Variants in PRKG1 observed in about 807,000 individuals in gnomAD.
The protein encoded by PRKG1 is cGMP-dependent protein kinase 1.
PRKG1 carries 35 observed loss-of-function variants against 88.1 expected under a neutral mutation model. The ratio of observed to expected loss-of-function variants is 0.40; its 90% CI spans 0.30 to 0.53. The LOEUF (loss-of-function observed/expected upper bound fraction) is 0.53, where lower values mean the gene tolerates loss of function less well. Ranked by LOEUF, PRKG1 falls within the 20% of genes least tolerant of loss-of-function variation. The pLI is 0.59. For missense variants in PRKG1, 540 were observed against 839.8 expected (o/e 0.64, Z 4.41); for synonymous variants, 303 against 292.5 (o/e 1.04, Z -0.37).
At chr10:51,802,387 T>C (rs1417101959) in intron 3 of PRKG1, among the ~76,000 whole-genome samples, 2 of 152,190 alleles carry the variant, frequency 1.3e-5, no homozygotes, top group African/African-American at 2.4e-5. Context: ...ATAGCCCATG[T>C]AAACAGGAAC....
chr10:51,784,586 T>C (rs951333598), intron 3 of PRKG1, among the ~76,000 whole-genome samples: 6 of 152,278 alleles, frequency 3.9e-5, no homozygotes, highest in South Asian at 4.1e-4. Context: ...ATATTTGGTG[T>C]AAATCCTGAA....
rs1276423963 is a variant in PRKG1 at position 51,615,479 on chromosome 10, G to A, written c.592+147643G>A. On this transcript the variant is annotated intron_variant, in intron 3 of 17. Coordinates refer to ENST00000373980, the MANE Select transcript of PRKG1 (RefSeq NM_006258.4). ...AGGATACTGATAACTCAAATATTTT[G>A]TCACTTTATGGTGTCCATGAATGCT... is the stretch of plus-strand genomic sequence containing the variant. Among the ~76,000 whole-genome samples the A allele has an allele frequency of 2.0e-5, 3 of 151,690 alleles. No individual in the cohort carries two copies. In the East Asian group the frequency reaches 5.8e-4, roughly 29 times the overall value.
intron 2 of PRKG1, among the ~76,000 whole-genome samples, chr10:51,276,128 C>A (rs895225900): frequency 6.6e-6 from 1 of 152,072 alleles, no homozygotes; most frequent in East Asian, 1.9e-4. Flanking sequence ...CCCAACCCCA[C>A]GACAGGCCCC....
intron 7 of PRKG1, among the ~76,000 whole-genome samples, chr10:52,113,487 A>T (rs2132594422): frequency 6.6e-6 from 1 of 152,170 alleles, no homozygotes; most frequent in East Asian, 1.9e-4. Flanking sequence ...TGAATTTTGA[A>T]TTAGGAAGGC....
intron 2 of PRKG1, among the ~76,000 whole-genome samples, chr10:51,451,455 A>G (rs1839436880): frequency 6.6e-6 from 1 of 151,924 alleles, no homozygotes; most frequent in Non-Finnish European, 1.5e-5. Flanking sequence ...TCTGAGCTAG[A>G]CCATGAGGTT....
chr10:51,999,982 A>G (rs1844552132), intron 5 of PRKG1, among the ~76,000 whole-genome samples: 1 of 152,086 alleles, frequency 6.6e-6, no homozygotes. Flanking sequence ...AAAGGTTTCA[A>G]TTTGGCTTTT....
At chr10:51,226,215 G>C (rs931373038) in intron 2 of PRKG1, among the ~76,000 whole-genome samples, 1 of 151,958 alleles carries the variant, frequency 6.6e-6, no homozygotes, top group Admixed American at 6.6e-5. Flanking sequence ...AAAAACAAAC[G>C]AACAAACAGA....
intron 3 of PRKG1, among the ~76,000 whole-genome samples, chr10:51,660,048 A>G (rs1454955057): frequency 6.6e-6 from 1 of 151,898 alleles, no homozygotes; most frequent in Non-Finnish European, 1.5e-5. Flanking sequence ...GTCGCTCTAT[A>G]GAATGAAGAA....
chr10:51,981,105 T>C (rs1365498347), intron 5 of PRKG1, among the ~76,000 whole-genome samples: 2 of 152,196 alleles, frequency 1.3e-5, no homozygotes, highest in Non-Finnish European at 2.9e-5. Context: ...AGTGTGTGTG[T>C]GTTTTTTAGT....
At chr10:51,412,822 T>C (rs560068122) in intron 2 of PRKG1, among the ~76,000 whole-genome samples, 2 of 152,172 alleles carry the variant, frequency 1.3e-5, no homozygotes, top group South Asian at 2.1e-4. Context: ...CAGTGGTGCA[T>C]ACAGACCATC....
chr10:51,763,803 G>C (rs1016455929), intron 3 of PRKG1, among the ~76,000 whole-genome samples: 7 of 151,852 alleles, frequency 4.6e-5, no homozygotes, highest in African/African-American at 1.5e-4. Flanking sequence ...TCAAGGGGCT[G>C]TACTTAGTGA....
intron 3 of PRKG1, among the ~76,000 whole-genome samples, chr10:51,549,115 C>CTTTTATTTTTTTTTTTTTTT: frequency 2.5e-5 from 2 of 79,296 alleles, no homozygotes; most frequent in Admixed American, 1.3e-4. Flanking sequence ...TCTTTCTTTT[C>CTTTTATTTTTTTTTTTTTTT]TTTTCTTTTT....
chr10:51,978,242 T>C (rs985753620), intron 5 of PRKG1, among the ~76,000 whole-genome samples: 2 of 152,108 alleles, frequency 1.3e-5, no homozygotes, highest in Non-Finnish European at 2.9e-5. Flanking sequence ...CTTGTTTTTG[T>C]CAGCTTTGTT....
rs116047681 is a variant in PRKG1, at chr10:51,566,412, A to T, written c.592+98576A>T. 5.8e-3 allele frequency among the ~76,000 whole-genome samples: 887 copies of T among 152,210 alleles called. 9 individuals carry two copies. The highest frequency in any genetic ancestry group is 0.02 in the African/African-American group (812 of 41,562). On this transcript the variant is annotated intron_variant, in intron 3 of 17. Coordinates refer to ENST00000373980, the MANE Select transcript of PRKG1 (RefSeq NM_006258.4). ...TTCTGAGTAAATAAACTCATTGAAC[A>T]AGCGTTTTGAGTGCCTATATGTTCC...
At chr10:51,761,822 G>A (rs1022810297) in intron 3 of PRKG1, among the ~76,000 whole-genome samples, 3 of 152,076 alleles carry the variant, frequency 2.0e-5, no homozygotes, top group East Asian at 1.9e-4. Flanking sequence ...TGTGGCTTCT[G>A]TCTTTCTAAG....
chr10:51,938,401 T>A (rs1396525287), intron 5 of PRKG1, among the ~76,000 whole-genome samples: 1 of 152,004 alleles, frequency 6.6e-6, no homozygotes, highest in Non-Finnish European at 1.5e-5. Flanking sequence ...GATCTTGCAA[T>A]GTATCCCCTA....
chr10:51,654,452 G>A (rs1029926101), intron 3 of PRKG1, among the ~76,000 whole-genome samples: 3 of 152,062 alleles, frequency 2.0e-5, no homozygotes, highest in African/African-American at 7.2e-5. Flanking sequence ...TTCAAAGAAG[G>A]TAGTGTGATA....
At chr10:52,216,940 C>T (rs933794280) in intron 9 of PRKG1, among the ~76,000 whole-genome samples, 3 of 152,104 alleles carry the variant, frequency 2.0e-5, no homozygotes, top group Non-Finnish European at 2.9e-5. Flanking sequence ...CCTGCACCAC[C>T]GTGAATTTAA....
chr10:52,012,245 CTTT>C (rs34119029), intron 5 of PRKG1, among the ~76,000 whole-genome samples: 114 of 139,166 alleles, frequency 8.2e-4, no homozygotes, highest in Non-Finnish European at 1.1e-3. Flanking sequence ...ATTTATTTGC[CTTT>C]TTTTTTTTTT....
Sources: allele counts gnomAD v4.1 joint callset (sites outside exome capture counted in the v4.1 genomes callset), GRCh38; gene constraint gnomAD v4.1.1; transcripts MANE v1.5; gene names NCBI Gene and HGNC (gene_info 2026-07-23, HGNC 2026-07-21).